TMOD1: variants seen among roughly 807,000 people sequenced by gnomAD.
TMOD1 encodes tropomodulin 1, also known as tropomodulin-1.
A neutral mutation model predicts 40.6 loss-of-function variants in TMOD1; 17 were observed. The ratio of observed to expected loss-of-function variants is 0.42; its 90% CI spans 0.29 to 0.63. The LOEUF (loss-of-function observed/expected upper bound fraction) is 0.63, where lower values mean the gene tolerates loss of function less well. Among genes scored for constraint, TMOD1 ranks in the 20% least tolerant of loss-of-function variants. The probability of loss-of-function intolerance (pLI) is 0.22; values close to 1 mark genes in which losing one functional copy is unlikely to be tolerated. For synonymous variants in TMOD1, 181 were observed against 175.0 expected, an observed-to-expected ratio of 1.03 and a Z score of -0.27; for missense variants, 391 against 447.6, an observed-to-expected ratio of 0.87 and a Z score of 1.14.
At chr9:97,572,605 C>T (rs1830838376) in intron 8 of TMOD1, among the ~76,000 whole-genome samples, 1 of 152,080 alleles carries the variant, frequency 6.6e-6, no homozygotes, top group African/African-American at 2.4e-5. Flanking sequence ...TGGGGGGAGG[C>T]AGGGCAGTGT....
In TMOD1 at chr9:97,591,411, G is replaced by A. The variant is rs753776204; in HGVS notation, c.991G>A (p.Ala331Thr). Residue 331 changes from alanine (A) to threonine (T), a missense_variant, in exon 9 of 10, where the codon GCA (alanine) becomes ACA (threonine). Ala to Thr is a moderately conservative substitution (Grantham distance 58, BLOSUM62 0). Coordinates refer to ENST00000259365, the MANE Select transcript of TMOD1 (RefSeq NM_003275.4). ...QQGPRLRASN[A>T]MMNNNDLVRK... The stretch of plus-strand genomic sequence containing the variant: ...AGGACCCCGGCTTCGGGCATCCAAC[G>A]CAATGATGAACAACAATGACCTTGG... The A allele has an allele frequency of 5.6e-6, 9 of 1,614,006 alleles. No homozygotes were observed. The highest frequency in any genetic ancestry group is 2.7e-5 in the African/African-American group (2 of 74,914).
intron 1 of TMOD1, among the ~76,000 whole-genome samples, chr9:97,506,734 C>T (rs1829598094): frequency 6.6e-6 from 1 of 152,204 alleles, no homozygotes; most frequent in Non-Finnish European, 1.5e-5. Context: ...CCAGGTCATC[C>T]AATTCCAGAA....
intron 2 of TMOD1, among the ~76,000 whole-genome samples, chr9:97,527,665 G>T (rs529685266): frequency 6.6e-6 from 1 of 152,204 alleles, no homozygotes; most frequent in Non-Finnish European, 1.5e-5. Flanking sequence ...GGGCGGCAAG[G>T]CCGACTGACG....
intron 1 of TMOD1, among the ~76,000 whole-genome samples, chr9:97,509,128 T>A (rs1044612292): frequency 1.3e-5 from 2 of 152,236 alleles, no homozygotes; most frequent in African/African-American, 4.8e-5. Context: ...TTTGGACTTC[T>A]GGTCCTCTGA....
At chr9:97,588,943 C>A (rs1825938503) in intron 8 of TMOD1, among the ~76,000 whole-genome samples, 1 of 151,746 alleles carries the variant, frequency 6.6e-6, no homozygotes, top group Non-Finnish European at 1.5e-5. Context: ...ATGGCAAAAC[C>A]CTGTCTCTAC....
intron 1 of TMOD1, among the ~76,000 whole-genome samples, chr9:97,514,321 T>C (rs940163681): frequency 6.6e-6 from 1 of 151,670 alleles, no homozygotes; most frequent in African/African-American, 2.4e-5. Context: ...TTTCACCATG[T>C]TGGCCAGGCT....
intron 8 of TMOD1, 41 bp from the exon 9 acceptor site, chr9:97,591,250 G>A (rs1825993331): frequency 6.5e-7 from 1 of 1,549,016 alleles, no homozygotes; most frequent in South Asian, 1.2e-5. Flanking sequence ...TGGAATGAGT[G>A]GTGATTTTAT....
At chr9:97,572,856 G>T (rs922771371) in intron 8 of TMOD1, among the ~76,000 whole-genome samples, 3 of 152,172 alleles carry the variant, frequency 2.0e-5, no homozygotes, top group African/African-American at 7.2e-5. Flanking sequence ...GAAGCTGTTT[G>T]TTGACTCAAA....
In TMOD1 at chr9:97,546,222, A is replaced by T. The variant is rs764813151; in HGVS notation, c.158A>T (p.Gln53Leu). Residue 53 changes from glutamine to leucine, a missense_variant, in exon 3 of 10, where the codon CAG (glutamine) becomes CTG (leucine). Gln to Leu is a moderately radical substitution (Grantham distance 113). Coordinates refer to ENST00000259365, the MANE Select transcript of TMOD1 (RefSeq NM_003275.4). The stretch of plus-strand genomic sequence containing the variant: ...CCTGCAGGCCTGAGGCAGAAGGATC[A>T]GACCACCAAGGCGCCCACGGGCCCC... ...LLPAGLRQKDQTTKAPTGPFK... is the reference protein window; with the variant it reads ...LLPAGLRQKDLTTKAPTGPFK... 1.2e-6 allele frequency: 2 copies of T among 1,613,962 alleles called. No individual in the cohort carries two copies. Among genetic ancestry groups the T allele is most frequent in the Non-Finnish European group, 1.7e-6 (2 of 1,179,996 alleles).
chr9:97,522,596 C>T (rs1283066059), intron 1 of TMOD1, among the ~76,000 whole-genome samples: 2 of 152,146 alleles, frequency 1.3e-5, no homozygotes, highest in Non-Finnish European at 2.9e-5. Flanking sequence ...GGATCTCACT[C>T]CGTCACCCAG....
intron 8 of TMOD1, among the ~76,000 whole-genome samples, chr9:97,569,946 GTT>G (rs549426839): frequency 6.8e-6 from 1 of 147,282 alleles, no homozygotes; most frequent in Non-Finnish European, 1.5e-5. Context: ...TGGGGACTCA[GTT>G]TTTTTTTTTC....
chr9:97,518,592 C>G (rs976469016), intron 1 of TMOD1, among the ~76,000 whole-genome samples: 1 of 152,256 alleles, frequency 6.6e-6, no homozygotes, highest in Admixed American at 6.5e-5. Flanking sequence ...CACTGGCCTT[C>G]CAATCAATTG....
In TMOD1 at chr9:97,581,681, G is replaced by A. The variant is rs912942461; in HGVS notation, c.871-9610G>A. On this transcript the variant is annotated intron_variant, in intron 8 of 9. Transcript: ENST00000259365. ...GTTGTTTCCTGACTTTTTAATGATCGCCAGTCTAACTGGTGTGAGATGGTA... is the reference window on the plus strand; with the variant it reads ...GTTGTTTCCTGACTTTTTAATGATCACCAGTCTAACTGGTGTGAGATGGTA... Among the ~76,000 whole-genome samples the A allele has an allele frequency of 5.5e-4, 83 of 151,418 alleles. 2 individuals carry two copies. The highest frequency in any genetic ancestry group is 1.8e-3 in the African/African-American group (75 of 41,368).
In TMOD1 at chr9:97,564,162, T is replaced by C. The variant is rs1441385473; in HGVS notation, c.612T>C (p.Asn204=). The C allele has an allele frequency of 1.9e-6, 3 of 1,597,664 alleles. No individual in the cohort carries two copies. Among genetic ancestry groups the C allele is most frequent in the South Asian group, 2.3e-5 (2 of 88,786 alleles). Reference sequence around the variant, plus strand: ...AACTTGAAGAAGTTAACCTCAATAATATCCGGGTAAGGTCCATTTATTTCA... The same window carrying C: ...AACTTGAAGAAGTTAACCTCAATAACATCCGGGTAAGGTCCATTTATTTCA... ...DPKLEEVNLN[N]IRNIPIPTLK... is the part of the protein sequence containing the mutation. The change falls in exon 6 of 10, where the codon AAT becomes AAC. Residue 204 remains asparagine (N), a synonymous_variant. Transcript: ENST00000259365.
intron 8 of TMOD1, among the ~76,000 whole-genome samples, chr9:97,572,346 T>C (rs1159427684): frequency 6.6e-6 from 1 of 152,056 alleles, no homozygotes; most frequent in African/African-American, 2.4e-5. Flanking sequence ...TGGGCTGTGC[T>C]GTGCTCTGGG....
intron 3 of TMOD1, among the ~76,000 whole-genome samples, chr9:97,548,525 C>T (rs1041313748): frequency 7.2e-5 from 11 of 152,110 alleles, no homozygotes; most frequent in South Asian, 2.1e-4. Flanking sequence ...GGACACCTAG[C>T]GAGGTGAGTC....
chr9:97,558,865 C>T (rs769762454), intron 4 of TMOD1, among the ~76,000 whole-genome samples: 49 of 152,246 alleles, frequency 3.2e-4, no homozygotes, highest in African/African-American at 5.1e-4. Context: ...GAAAACTGAG[C>T]GTCCCCCCAG....
chr9:97,553,260 A>G lies in TMOD1; in HGVS notation c.278-21A>G, dbSNP rs753776247. 6 of 1,613,600 alleles carry G rather than the reference A, an allele frequency of 3.7e-6. No individual in the cohort carries two copies. In the South Asian group the frequency reaches 5.5e-5, roughly 15 times the overall value. On this transcript the variant is annotated intron_variant, in intron 3 of 9. Transcript: ENST00000259365. ...GTTCCATTGCAGCCACTCCCGTAAC[A>G]GGTCCCCTGTGTGTTTGCAGGAAAG...
intron 8 of TMOD1, among the ~76,000 whole-genome samples, chr9:97,587,936 A>G (rs1250067982): frequency 1.3e-5 from 2 of 152,152 alleles, no homozygotes; most frequent in Non-Finnish European, 2.9e-5. Flanking sequence ...TCAGAACTTT[A>G]TTCCCTTTCT....
Sources: allele counts gnomAD v4.1 joint callset (sites outside exome capture counted in the v4.1 genomes callset), GRCh38; gene constraint gnomAD v4.1.1; transcripts MANE v1.5; gene names NCBI Gene and HGNC (gene_info 2026-07-23, HGNC 2026-07-21).